SCRT2: variants seen among roughly 807,000 people sequenced by gnomAD.
SCRT2 encodes the protein transcriptional repressor scratch 2.
Under a neutral mutation model 3.7 loss-of-function variants are expected in SCRT2, and 2 were observed. The observed-to-expected ratio is 0.54, with a 90% CI of 0.22 to 1.70. The LOEUF (loss-of-function observed/expected upper bound fraction) is 1.70. SCRT2 is among the 40% of genes most tolerant of loss of function. The probability of loss-of-function intolerance (pLI) is 0.19; values close to 1 mark genes in which losing one functional copy is unlikely to be tolerated. For missense variants in SCRT2, 456 were observed against 468.5 expected (o/e 0.97, Z 0.25); for synonymous variants, 256 against 220.6 (o/e 1.16, Z -1.42).
In SCRT2 at chr20:663,553, A is replaced by C; in HGVS notation, c.*118T>G. The C allele has an allele frequency of 1.0e-6, 1 of 997,856 alleles. No homozygotes were observed. The highest frequency in any genetic ancestry group is 1.3e-6 in the Non-Finnish European group (1 of 766,474). 61.8% of individuals were successfully genotyped at this position (997,856 alleles called of 1,614,324 possible). A position where few individuals can be genotyped will look rare whatever the true frequency, so the allele number is the denominator to read the frequency against. ...GTTCCGGGCCGGGCCGGGGGTCCCC[A>C]CGAGAGGGTCATGGGCAGGGAAACG... On this transcript the variant is annotated 3_prime_UTR_variant, in exon 2 of 2. Transcript: ENST00000246104. This position sits in a 1 kb window ranked among gnomAD's most constrained non-coding sequence, Gnocchi z 6.9.
chr20:672,735 C>G (rs1984383867), intron 1 of SCRT2, among the ~76,000 whole-genome samples: 1 of 144,228 alleles, frequency 6.9e-6, no homozygotes. Context: ...CCCTCCCTCC[C>G]TCTCTCCTTC....
In SCRT2 at chr20:663,275, T is replaced by C. The variant is rs6107716; in HGVS notation, c.*396A>G. ...TTCATTGGGGGCTCCAGTAGAGGAATGGTCAGAGAGATTCAGCTGAGAAGC... is the reference window on the plus strand; with the variant it reads ...TTCATTGGGGGCTCCAGTAGAGGAACGGTCAGAGAGATTCAGCTGAGAAGC... On this transcript the variant is annotated 3_prime_UTR_variant, in exon 2 of 2. Coordinates refer to ENST00000246104, the MANE Select transcript of SCRT2 (RefSeq NM_033129.4). The surrounding 1 kb of genome is among the most constrained non-coding windows in gnomAD (Gnocchi z 6.9). 0.23 allele frequency: 44,681 copies of C among 191,400 alleles called. 5,529 individuals are homozygous for C. The highest frequency in any genetic ancestry group is 0.27 in the African/African-American group (11,533 of 42,718). 11.9% of individuals were successfully genotyped at this position (191,400 alleles called of 1,614,324 possible).
Position 664,117 on chromosome 20 carries a change from A to C in SCRT2, c.478T>G (p.Cys160Gly). The change falls in exon 2 of 2, where the codon TGC becomes GGC. Residue 160 changes from cysteine (C) to glycine (G), a missense_variant. Cys to Gly is a radical substitution (Grantham distance 159). This residue lies in a region of SCRT2 where 306 missense variants were observed against 305.3 expected (regional missense o/e 1.00). Transcript: ENST00000246104. The surrounding 1 kb of genome is among the most constrained non-coding windows in gnomAD (Gnocchi z 7.9). ...GACGACGTGGCGTAGGTCTTGCCGCACTCGGCGCACGCGTGCCGGTGCCCG... is the reference window on the plus strand; with the variant it reads ...GACGACGTGGCGTAGGTCTTGCCGCCCTCGGCGCACGCGTGCCGGTGCCCG... ...GGGHRHACAE[C>G]GKTYATSSNL... The C allele has an allele frequency of 6.3e-7, 1 of 1,593,000 alleles. No individual in the cohort carries two copies.
chr20:668,749 C>T (rs141331117), intron 1 of SCRT2, among the ~76,000 whole-genome samples: 100 of 152,296 alleles, frequency 6.6e-4, no homozygotes, highest in African/African-American at 1.9e-3. Context: ...TTTTAAAAAT[C>T]GGTACTCAAA....
chr20:670,950 G>C (rs1174731920), intron 1 of SCRT2, among the ~76,000 whole-genome samples: 1 of 152,180 alleles, frequency 6.6e-6, no homozygotes, highest in East Asian at 1.9e-4. Context: ...GAAGGTCAAA[G>C]CTGAAAGAGA....
rs897097573 is a variant in SCRT2 at position 664,540 on chromosome 20, C to T, written c.134-79G>A. ...CCCGCTTTGAGCGCGTCACCCTTTGCGCCTTCCAGCTTGGCGCCCCTGTGG... is the reference window on the plus strand; with the variant it reads ...CCCGCTTTGAGCGCGTCACCCTTTGTGCCTTCCAGCTTGGCGCCCCTGTGG... On this transcript the variant is annotated intron_variant, in intron 1 of 1. Coordinates refer to ENST00000246104, the MANE Select transcript of SCRT2 (RefSeq NM_033129.4). The surrounding 1 kb of genome is among the most constrained non-coding windows in gnomAD (Gnocchi z 7.9). 1.6e-5 allele frequency: 17 copies of T among 1,067,650 alleles called. No individual in the cohort carries two copies. The highest frequency in any genetic ancestry group is 4.3e-5 in the Admixed American group (1 of 23,492). 66.1% of individuals were successfully genotyped at this position (1,067,650 alleles called of 1,614,324 possible).
At chr20:673,186 G>A (rs758893187) in intron 1 of SCRT2, among the ~76,000 whole-genome samples, 2 of 152,172 alleles carry the variant, frequency 1.3e-5, no homozygotes, top group Non-Finnish European at 2.9e-5. Context: ...CAAGAAAAGT[G>A]CCCGATCCCA....
At position 664,048 on chromosome 20, in the gene SCRT2, G is replaced by T; in HGVS notation, c.547C>A (p.Gln183Lys). Residue 183 changes from glutamine to lysine, a missense_variant, in exon 2 of 2, where the codon CAG (glutamine) becomes AAG (lysine). Gln to Lys is a moderately conservative substitution (Grantham distance 53). Transcript: ENST00000246104. This position sits in a 1 kb window ranked among gnomAD's most constrained non-coding sequence, Gnocchi z 7.9. ...HKQTHRSLDSQLARKCPTCGK... is the reference protein window; with the variant it reads ...HKQTHRSLDSKLARKCPTCGK... ...CACGTCGGGCATTTGCGCGCCAGCT[G>T]GCTGTCCAGGCTGCGGTGCGTCTGC... 6.2e-7 allele frequency: 1 copy of T among 1,611,850 alleles called. No individual in the cohort carries two copies.
intron 1 of SCRT2, among the ~76,000 whole-genome samples, chr20:670,272 G>A (rs929302629): frequency 2.6e-5 from 4 of 152,172 alleles, no homozygotes; most frequent in East Asian, 1.9e-4. Flanking sequence ...GCCTCGTTCC[G>A]GAGACTGGGT....
Position 664,575 on chromosome 20 carries a change from C to T in SCRT2, c.134-114G>A. The stretch of plus-strand genomic sequence containing the variant: ...CTTGGCGCCCCTGTGGCAGCTCCGA[C>T]AGTGGTGGTCTCCGACCTGCACCTC... On this transcript the variant is annotated intron_variant, in intron 1 of 1. Transcript: ENST00000246104. The surrounding 1 kb of genome is among the most constrained non-coding windows in gnomAD (Gnocchi z 7.9). 2 of 695,986 alleles carry T rather than the reference C, an allele frequency of 2.9e-6. No individual in the cohort carries two copies. The highest frequency in any genetic ancestry group is 4.0e-6 in the Non-Finnish European group (2 of 497,052). 43.1% of individuals were successfully genotyped at this position (695,986 alleles called of 1,614,324 possible).
rs1984065548 is a variant in SCRT2, at chr20:664,154, C to A, written c.441G>T (p.Ala147=). The change falls in exon 2 of 2, where the codon GCG becomes GCT. Residue 147 remains alanine (A), a synonymous_variant. Coordinates refer to ENST00000246104, the MANE Select transcript of SCRT2 (RefSeq NM_033129.4). The surrounding 1 kb of genome is among the most constrained non-coding windows in gnomAD (Gnocchi z 7.9). ...CGTGCCGGTGCCCGCCGCCCGCCTG[C>A]GCCCCCGCGCGCCCCGCGCGCCCCC... The part of the protein sequence containing the change: ...GAGGRAGRAG[A]QAGGGHRHAC... 6.0e-6 allele frequency: 7 copies of A among 1,158,626 alleles called. No homozygotes were observed. The highest frequency in any genetic ancestry group is 4.8e-5 in the Admixed American group (1 of 20,696). 71.8% of individuals were successfully genotyped at this position (1,158,626 alleles called of 1,614,324 possible). A position where few individuals can be genotyped will look rare whatever the true frequency, so the allele number is the denominator to read the frequency against.
At chr20:671,033 C>T (rs1462865654) in intron 1 of SCRT2, among the ~76,000 whole-genome samples, 2 of 152,200 alleles carry the variant, frequency 1.3e-5, no homozygotes, top group Non-Finnish European at 2.9e-5. Context: ...GCCAAGGCCA[C>T]ACAGAAGGCT....
At position 666,497 on chromosome 20, in the gene SCRT2, C is replaced by A. The variant is rs1984159480; in HGVS notation, c.134-2036G>T. On this transcript the variant is annotated intron_variant, in intron 1 of 1. Transcript: ENST00000246104. This position sits in a 1 kb window ranked among gnomAD's most constrained non-coding sequence, Gnocchi z 4.4. The stretch of plus-strand genomic sequence containing the variant: ...ACCAGGCTCTGTGCTAAGTGCTTCG[C>A]TCCCATCATCTCACTGAATCATCAC... Among the ~76,000 whole-genome samples the A allele has an allele frequency of 6.6e-6, 1 of 152,216 alleles. No homozygotes were observed. Among genetic ancestry groups the A allele is most frequent in the Non-Finnish European group, 1.5e-5 (1 of 68,038 alleles).
In SCRT2 at chr20:664,451, C is replaced by G; in HGVS notation, c.144G>C (p.Pro48=). 1 of 1,269,212 alleles carries G rather than the reference C, an allele frequency of 7.9e-7. No homozygotes were observed. The allele number at this position is 1,269,212 out of a possible 1,614,324, so 78.6% of individuals were successfully genotyped here. A position where few individuals can be genotyped will look rare whatever the true frequency, so the allele number is the denominator to read the frequency against. ...CGTAGCTGCTCGGGGGCAGGCGGTG[C>G]GGGGCGTACCCTGGAGGGGGCGAGA... is the stretch of plus-strand genomic sequence containing the variant. ...RGPPGDNGYA[P]HRLPPSSYDA... The change falls in exon 2 of 2, where the codon CCG becomes CCC. Residue 48 remains proline (P), a synonymous_variant. Transcript: ENST00000246104. The surrounding 1 kb of genome is among the most constrained non-coding windows in gnomAD (Gnocchi z 7.9).
Position 665,172 on chromosome 20 carries a change from C to T in SCRT2, c.134-711G>A, listed in dbSNP as rs1381808212. Among the ~76,000 whole-genome samples, 1 of 152,212 alleles carries T rather than the reference C, an allele frequency of 6.6e-6. No individual in the cohort carries two copies. Among genetic ancestry groups the T allele is most frequent in the African/African-American group, 2.4e-5 (1 of 41,444 alleles). ...ACAGTAATTGCTATATAAATGTTAG[C>T]TATTATAATTATGCTTTTTACTTGC... On this transcript the variant is annotated intron_variant, in intron 1 of 1. Coordinates refer to ENST00000246104, the MANE Select transcript of SCRT2 (RefSeq NM_033129.4). The surrounding 1 kb of genome is among the most constrained non-coding windows in gnomAD (Gnocchi z 5.0).
chr20:663,814 T>C lies in SCRT2; in HGVS notation c.781A>G (p.Thr261Ala). ...DRSNLRAHMQ[T>A]HSAFKHYRCR... Reference sequence around the variant, plus strand: ...CGGTAGTGCTTGAAGGCCGAGTGCGTCTGCATGTGCGCGCGCAGGTTGGAG... The same window carrying C: ...CGGTAGTGCTTGAAGGCCGAGTGCGCCTGCATGTGCGCGCGCAGGTTGGAG... The change falls in exon 2 of 2, where the codon ACG (threonine) becomes GCG (alanine). Residue 261 changes from threonine to alanine, a missense_variant. Coordinates refer to ENST00000246104, the MANE Select transcript of SCRT2 (RefSeq NM_033129.4). This position sits in a 1 kb window ranked among gnomAD's most constrained non-coding sequence, Gnocchi z 6.9. The C allele has an allele frequency of 6.3e-7, 1 of 1,597,150 alleles. No individual in the cohort carries two copies. Among genetic ancestry groups the C allele is most frequent in the Non-Finnish European group, 8.5e-7 (1 of 1,173,962 alleles).
Position 662,140 on chromosome 20 carries a change from G to C in SCRT2, c.*1531C>G, listed in dbSNP as rs1983971865. ...AGGAGGTAGTGGCGGCCAACGGGCGGGTGGCTGGCAGCCCGGCCCCTCTGT... is the reference window on the plus strand; with the variant it reads ...AGGAGGTAGTGGCGGCCAACGGGCGCGTGGCTGGCAGCCCGGCCCCTCTGT... On this transcript the variant is annotated 3_prime_UTR_variant, in exon 2 of 2. Coordinates refer to ENST00000246104, the MANE Select transcript of SCRT2 (RefSeq NM_033129.4). The C allele has an allele frequency of 1.3e-5, 2 of 152,910 alleles. No individual in the cohort carries two copies. The highest frequency in any genetic ancestry group is 2.9e-5 in the Non-Finnish European group (2 of 68,258). 9.5% of individuals were successfully genotyped at this position (152,910 alleles called of 1,614,324 possible).
chr20:663,587 G>T lies in SCRT2; in HGVS notation c.*84C>A, dbSNP rs1308348283. 1 of 1,229,520 alleles carries T rather than the reference G, an allele frequency of 8.1e-7. No individual in the cohort carries two copies. Among genetic ancestry groups the T allele is most frequent in the East Asian group, 3.3e-5 (1 of 30,262 alleles). 76.2% of individuals were successfully genotyped at this position (1,229,520 alleles called of 1,614,324 possible). A position where few individuals can be genotyped will look rare whatever the true frequency, so the allele number is the denominator to read the frequency against. ...TCATGGGCAGGGAAACGCAGCCGGG[G>T]CTGGGCGAGGGCGCTGCGGGCGCAG... is the stretch of plus-strand genomic sequence containing the variant. On this transcript the variant is annotated 3_prime_UTR_variant, in exon 2 of 2. Coordinates refer to ENST00000246104, the MANE Select transcript of SCRT2 (RefSeq NM_033129.4). The surrounding 1 kb of genome is among the most constrained non-coding windows in gnomAD (Gnocchi z 6.9).
Position 666,874 on chromosome 20 carries a change from A to G in SCRT2, c.134-2413T>C, listed in dbSNP as rs1568653623. Among the ~76,000 whole-genome samples the G allele has an allele frequency of 6.6e-6, 1 of 152,128 alleles. No individual in the cohort carries two copies. Among genetic ancestry groups the G allele is most frequent in the Non-Finnish European group, 1.5e-5 (1 of 67,988 alleles). Reference sequence around the variant, plus strand: ...AGGGTGGTTTGGTTCTCCAACACAGATTCCAGCTGAGTGCCTTTGGGTGGG... The same window carrying G: ...AGGGTGGTTTGGTTCTCCAACACAGGTTCCAGCTGAGTGCCTTTGGGTGGG... On this transcript the variant is annotated intron_variant, in intron 1 of 1. Transcript: ENST00000246104. This position sits in a 1 kb window ranked among gnomAD's most constrained non-coding sequence, Gnocchi z 4.4.
Sources: allele counts gnomAD v4.1 joint callset (sites outside exome capture counted in the v4.1 genomes callset), GRCh38; gene constraint gnomAD v4.1.1; regional missense constraint gnomAD v4.1.1; non-coding constraint Gnocchi (gnomAD v3.1); transcripts MANE v1.5; gene names NCBI Gene and HGNC (gene_info 2026-07-23, HGNC 2026-07-21).